ENOX2: variants seen among roughly 807,000 people sequenced by gnomAD.
ENOX2 encodes APK1 antigen.
A neutral mutation model predicts 45.0 loss-of-function variants in ENOX2; 36 were observed. The observed-to-expected ratio is 0.80, with a 90% CI of 0.61 to 1.06. The LOEUF is 1.06. Ranked by LOEUF, ENOX2 falls within the 50% of genes least tolerant of loss-of-function variation. ENOX2 has a pLI of 0.00. For synonymous variants in ENOX2, 174 were observed against 152.3 expected (o/e 1.14, Z -1.05); for missense variants, 423 against 462.5 (o/e 0.91, Z 0.78).
chrX:130,717,837 C>T (rs1344946575), intron 3 of ENOX2, among the ~76,000 whole-genome samples: 2 of 111,615 alleles, frequency 1.8e-5, no homozygotes, highest in East Asian at 5.6e-4. Flanking sequence ...CCATGTACCC[C>T]TCCCTAATCG....
chrX:130,756,003 T>C lies in ENOX2; in HGVS notation c.-39+27544A>G, dbSNP rs769414843. ...ATCAGGCTCCATGATGTAATTTTTATCCTCAAAAGTTGTCAGACCTATGTT... is the reference window on the plus strand; with the variant it reads ...ATCAGGCTCCATGATGTAATTTTTACCCTCAAAAGTTGTCAGACCTATGTT... On this transcript the variant is annotated intron_variant, in intron 3 of 14. Transcript: ENST00000394363. 2.7e-5 allele frequency among the ~76,000 whole-genome samples: 3 copies of C among 111,682 alleles called. No homozygotes were observed. In the South Asian group the frequency reaches 1.1e-3, roughly 42 times the overall value.
rs1407812525 is a variant in ENOX2 at position 130,711,587 on chromosome X, G to T, written c.-38-8333C>A. 2.7e-5 allele frequency among the ~76,000 whole-genome samples: 3 copies of T among 111,318 alleles called. No individual in the cohort carries two copies. The Admixed American group carries it at 2.9e-4, about 11-fold the overall frequency. Reference sequence around the variant, plus strand: ...GGAAGGCAAAGGGAGGCAAGGGAAGGGTCTTTATGCTGGCCTATATATATA... The same window carrying T: ...GGAAGGCAAAGGGAGGCAAGGGAAGTGTCTTTATGCTGGCCTATATATATA... On this transcript the variant is annotated intron_variant, in intron 3 of 14. Transcript: ENST00000394363.
chrX:130,757,624 C>T (rs1003650910), intron 3 of ENOX2, among the ~76,000 whole-genome samples: 1 of 111,655 alleles, frequency 9.0e-6, no homozygotes, highest in African/African-American at 3.3e-5. Context: ...TGTCCTGTCC[C>T]TTAGGTGGTC....
At chrX:130,879,714 A>T (rs1378003242) in intron 2 of ENOX2, among the ~76,000 whole-genome samples, 1 of 112,122 alleles carries the variant, frequency 8.9e-6, no homozygotes, top group African/African-American at 3.2e-5. Context: ...ATCTTAGCAT[A>T]GTCCTATAGC....
At position 130,828,736 on chromosome X, in the gene ENOX2, G is replaced by C. The variant is rs150840721; in HGVS notation, c.-182-45046C>G. ...GGAGTTCTGAGGGTCAGTTATAAAT[G>C]AAATTATATTACATTTTTCAGCCTC... On this transcript the variant is annotated intron_variant, in intron 2 of 14. Coordinates refer to ENST00000394363, the MANE Select transcript of ENOX2 (RefSeq NM_006375.4). 8.0e-5 allele frequency among the ~76,000 whole-genome samples: 9 copies of C among 111,837 alleles called. No homozygotes were observed. In the East Asian group the frequency reaches 2.5e-3, roughly 31 times the overall value.
At chrX:130,744,867 C>T (rs2039064525) in intron 3 of ENOX2, among the ~76,000 whole-genome samples, 1 of 111,542 alleles carries the variant, frequency 9.0e-6, no homozygotes, top group African/African-American at 3.3e-5. Flanking sequence ...GTGAGCATTA[C>T]AGCCTGAGCT....
intron 2 of ENOX2, among the ~76,000 whole-genome samples, chrX:130,806,828 T>C (rs771291381): frequency 8.9e-6 from 1 of 112,382 alleles, no homozygotes; most frequent in African/African-American, 3.2e-5. Context: ...TTTATAACTC[T>C]GGGGGTTAAA....
At chrX:130,807,094 C>T (rs182464529) in intron 2 of ENOX2, among the ~76,000 whole-genome samples, 63 of 112,081 alleles carry the variant, frequency 5.6e-4, no homozygotes, top group Middle Eastern at 4.6e-3. Flanking sequence ...TAGTTGCATT[C>T]CAAAGTAGTT....
intron 2 of ENOX2, among the ~76,000 whole-genome samples, chrX:130,865,679 G>A (rs2078483505): frequency 8.9e-6 from 1 of 111,740 alleles, no homozygotes; most frequent in South Asian, 3.8e-4. Flanking sequence ...AGCTTTCACA[G>A]AGCTTACGTT....
intron 2 of ENOX2, among the ~76,000 whole-genome samples, chrX:130,798,977 C>G (rs1204106894): frequency 8.9e-6 from 1 of 112,296 alleles, no homozygotes; most frequent in Non-Finnish European, 1.9e-5. Flanking sequence ...TGCAAAGGCA[C>G]AGTTAAGTGC....
At chrX:130,709,445 C>A in intron 3 of ENOX2, 1 of 503,427 alleles carries the variant, frequency 2.0e-6, no homozygotes. Flanking sequence ...TCAAGACCAG[C>A]CAGGTCAACA....
At position 130,670,410 on chromosome X, in the gene ENOX2, T is replaced by C. The variant is rs764896094; in HGVS notation, c.461-212A>G. On this transcript the variant is annotated intron_variant, in intron 6 of 14. Transcript: ENST00000394363. The stretch of plus-strand genomic sequence containing the variant: ...TTAGCAAGTAAATCATCAAAAGATT[T>C]AGATTATCTCTGATAATAGCTCACA... Among the ~76,000 whole-genome samples the C allele has an allele frequency of 2.7e-5, 3 of 111,647 alleles. No individual in the cohort carries two copies. In the East Asian group the frequency reaches 8.4e-4, roughly 31 times the overall value.
At chrX:130,726,190 C>T (rs370918423) in intron 3 of ENOX2, among the ~76,000 whole-genome samples, 1 of 112,029 alleles carries the variant, frequency 8.9e-6, no homozygotes, top group African/African-American at 3.2e-5. Context: ...TCTTTATTTG[C>T]GAGTTCCAAG....
intron 10 of ENOX2, among the ~76,000 whole-genome samples, chrX:130,639,088 C>G (rs1202957395): frequency 8.9e-6 from 1 of 112,286 alleles, no homozygotes; most frequent in Non-Finnish European, 1.9e-5. Flanking sequence ...ATACCAGTTC[C>G]TTACAGTGAA....
chrX:130,715,430 C>T (rs920872273), intron 3 of ENOX2, among the ~76,000 whole-genome samples: 3 of 112,287 alleles, frequency 2.7e-5, no homozygotes, highest in Non-Finnish European at 3.8e-5. Context: ...TGGCCCCTTT[C>T]GTGCTTCTTT....
chrX:130,823,637 A>AT (rs200814107), intron 2 of ENOX2, among the ~76,000 whole-genome samples: 1 of 111,717 alleles, frequency 9.0e-6, no homozygotes, highest in Non-Finnish European at 1.9e-5. Flanking sequence ...AAAATAATAT[A>AT]TTTTTCTGAC....
chrX:130,890,258 G>A, intron 2 of ENOX2, among the ~76,000 whole-genome samples: 1 of 111,275 alleles, frequency 9.0e-6, no homozygotes, highest in South Asian at 3.8e-4. Flanking sequence ...ACCCAGGTTA[G>A]CAAGAAGGGC....
At chrX:130,762,168 G>A (rs2039505684) in intron 3 of ENOX2, among the ~76,000 whole-genome samples, 1 of 111,885 alleles carries the variant, frequency 8.9e-6, no homozygotes, top group Non-Finnish European at 1.9e-5. Context: ...TTGAGACTTT[G>A]CTTCTTTTCT....
At chrX:130,720,244 T>C (rs1309124531) in intron 3 of ENOX2, among the ~76,000 whole-genome samples, 2 of 112,421 alleles carry the variant, frequency 1.8e-5, no homozygotes, top group African/African-American at 6.5e-5. Context: ...TTATCAGTAT[T>C]ACATCCTCAA....
Sources: allele counts gnomAD v4.1 joint callset (sites outside exome capture counted in the v4.1 genomes callset), GRCh38; gene constraint gnomAD v4.1.1; transcripts MANE v1.5; gene names NCBI Gene and HGNC (gene_info 2026-07-23, HGNC 2026-07-21).